The following ACACA variants were observed in gnomAD, a reference collection of about 807,000 sequenced individuals.
ACACA encodes the protein acetyl-CoA carboxylase 1.
A neutral mutation model predicts 296.1 loss-of-function variants in ACACA; 103 were observed. The observed-to-expected ratio is 0.35, with a 90% CI of 0.30 to 0.41. ACACA has a LOEUF of 0.41. Ranked by LOEUF, ACACA falls within the 10% of genes least tolerant of loss-of-function variation. ACACA has a pLI of 1.00. For synonymous variants in ACACA, 953 were observed against 1,038.6 expected, an observed-to-expected ratio of 0.92 and a Z score of 1.58; for missense variants, 1,554 against 2,989.7, an observed-to-expected ratio of 0.52 and a Z score of 11.20.
intron 45 of ACACA, among the ~76,000 whole-genome samples, chr17:37,135,839 CTAG>C (rs956288170): frequency 1.6e-4 from 24 of 151,958 alleles, no homozygotes; most frequent in African/African-American, 5.6e-4. Context: ...ATCACTCACC[CTAG>C]GGGGACCCAC....
At chr17:37,175,608 G>A (rs917372539) in intron 41 of ACACA, among the ~76,000 whole-genome samples, 1 of 152,128 alleles carries the variant, frequency 6.6e-6, no homozygotes, top group South Asian at 2.1e-4. Context: ...AATGAGATCC[G>A]TTTAGTCTAT....
chr17:37,126,856 T>A (rs1444182267), intron 47 of ACACA, among the ~76,000 whole-genome samples: 1 of 152,234 alleles, frequency 6.6e-6, no homozygotes, highest in Non-Finnish European at 1.5e-5. Context: ...TAGATTCTGG[T>A]CTTGTGTTGG....
intron 29 of ACACA, among the ~76,000 whole-genome samples, chr17:37,219,341 C>T (rs755300924): frequency 4.6e-5 from 7 of 152,160 alleles, no homozygotes; most frequent in African/African-American, 7.2e-5. Flanking sequence ...CTAAGCGTCT[C>T]GTGCTTTTGG....
At position 37,221,786 on chromosome 17, in the gene ACACA, C is replaced by T. The variant is rs1223824601; in HGVS notation, c.3621G>A (p.Gln1207=). ...CCACCACACAGGTGTTGTCCTTAAG[C>T]TGGCGGTGTTGTACGCTGTTAAGTT... ...AYELNSVQHR[Q]LKDNTCVVEF... The change falls in exon 29 of 56, where the codon CAG becomes CAA. Residue 1207 remains glutamine, a synonymous_variant. Transcript: ENST00000616317. The T allele has an allele frequency of 2.5e-6, 4 of 1,614,188 alleles. No individual in the cohort carries two copies. The highest frequency in any genetic ancestry group is 3.4e-6 in the Non-Finnish European group (4 of 1,180,024).
At chr17:37,131,992 T>C (rs2075120685) in intron 45 of ACACA, among the ~76,000 whole-genome samples, 1 of 152,190 alleles carries the variant, frequency 6.6e-6, no homozygotes, top group Non-Finnish European at 1.5e-5. Flanking sequence ...GCCCAGGCAC[T>C]GCGGCTCTTT....
intron 3 of ACACA, among the ~76,000 whole-genome samples, chr17:37,309,088 T>C (rs1356933680): frequency 6.6e-6 from 1 of 152,194 alleles, no homozygotes; most frequent in African/African-American, 2.4e-5. Flanking sequence ...AGCATGATCA[T>C]AGTTCACTGC....
intron 13 of ACACA, 95 bp downstream of exon 13, chr17:37,258,117 G>A: frequency 6.9e-7 from 1 of 1,443,180 alleles, no homozygotes; most frequent in Non-Finnish European, 9.6e-7. Context: ...CACTCCAGAG[G>A]AAGTCCCAAG....
chr17:37,166,706 G>T (rs1417467120), intron 41 of ACACA, among the ~76,000 whole-genome samples: 1 of 152,170 alleles, frequency 6.6e-6, no homozygotes, highest in Non-Finnish European at 1.5e-5. Context: ...TATGCTAGCC[G>T]TATAACCTTG....
At chr17:37,248,221 T>C in intron 17 of ACACA, 65 bp from the exon 18 acceptor site, 2 of 1,587,078 alleles carry the variant, frequency 1.3e-6, no homozygotes, top group Non-Finnish European at 1.7e-6. Context: ...GAAATTTGAA[T>C]GCTTCAAAAA....
At chr17:37,325,700 G>C (rs1036246968) in intron 3 of ACACA, among the ~76,000 whole-genome samples, 2 of 141,456 alleles carry the variant, frequency 1.4e-5, no homozygotes, top group African/African-American at 5.3e-5. Flanking sequence ...TCAGCCTCTC[G>C]ACTGGCTGGA....
In ACACA at chr17:37,394,901, T is replaced by C. The variant is rs983699903; in HGVS notation, c.38+11361A>G. Among the ~76,000 whole-genome samples the C allele has an allele frequency of 3.3e-5, 5 of 150,610 alleles. No individual in the cohort carries two copies. In the South Asian group the frequency reaches 6.3e-4, roughly 19 times the overall value. On this transcript the variant is annotated intron_variant, in intron 1 of 55. Coordinates refer to ENST00000616317, the MANE Select transcript of ACACA (RefSeq NM_198834.3). ...GAGACTCTGTCTCAAAAAATATGTATATATAAAATATATAATAAAATAAAT... is the reference window on the plus strand; with the variant it reads ...GAGACTCTGTCTCAAAAAATATGTACATATAAAATATATAATAAAATAAAT...
chr17:37,250,833 G>A (rs2080954249), intron 16 of ACACA, among the ~76,000 whole-genome samples: 1 of 151,958 alleles, frequency 6.6e-6, no homozygotes, highest in Non-Finnish European at 1.5e-5. Flanking sequence ...AGACCATCCT[G>A]GCTAACACGG....
intron 42 of ACACA, 80 bp downstream of exon 42, chr17:37,161,701 C>T: frequency 6.5e-7 from 1 of 1,546,780 alleles, no homozygotes; most frequent in Non-Finnish European, 8.8e-7. Context: ...TGAACTTAAA[C>T]CTCTACCCTT....
rs978096316 is a variant in ACACA, at chr17:37,213,403, G to A, written c.3684-2913C>T. On this transcript the variant is annotated intron_variant, in intron 29 of 55. Coordinates refer to ENST00000616317, the MANE Select transcript of ACACA (RefSeq NM_198834.3). ...GCTCAATCTTTGATAAGGCAATCAA[G>A]TATATTTTCAAATACATAAATGGGA... Among the ~76,000 whole-genome samples, 5 of 147,422 alleles carry A rather than the reference G, an allele frequency of 3.4e-5. No homozygotes were observed. In the East Asian group the frequency reaches 9.9e-4, roughly 29 times the overall value.
intron 52 of ACACA, among the ~76,000 whole-genome samples, chr17:37,103,877 T>C (rs897342995): frequency 1.3e-5 from 2 of 151,510 alleles, no homozygotes; most frequent in African/African-American, 4.9e-5. Flanking sequence ...TCTTTCCTCC[T>C]GCATGCCCCC....
intron 2 of ACACA, among the ~76,000 whole-genome samples, chr17:37,339,176 T>A (rs957856689): frequency 6.6e-6 from 1 of 152,172 alleles, no homozygotes; most frequent in Non-Finnish European, 1.5e-5. Context: ...TAACAGAAGA[T>A]AATGGGTGCC....
intron 1 of ACACA, among the ~76,000 whole-genome samples, chr17:37,400,680 C>T (rs1408713677): frequency 6.6e-6 from 1 of 152,048 alleles, no homozygotes; most frequent in Non-Finnish European, 1.5e-5. Context: ...ATCTATGTTG[C>T]TGCAAATGAC....
At chr17:37,247,885 C>CT in intron 18 of ACACA, 126 bp downstream of exon 18, 1 of 1,000,966 alleles carries the variant, frequency 1.0e-6, no homozygotes, top group Non-Finnish European at 1.5e-6. Context: ...AGTGCATGTA[C>CT]TATTTTTTTT....
At chr17:37,389,794 G>A (rs2050712491) in intron 1 of ACACA, among the ~76,000 whole-genome samples, 1 of 151,812 alleles carries the variant, frequency 6.6e-6, no homozygotes, top group African/African-American at 2.4e-5. Flanking sequence ...TTAATGTGCT[G>A]GGAACAGGGA....
Sources: allele counts gnomAD v4.1 joint callset (sites outside exome capture counted in the v4.1 genomes callset), GRCh38; gene constraint gnomAD v4.1.1; transcripts MANE v1.5; gene names NCBI Gene and HGNC (gene_info 2026-07-23, HGNC 2026-07-21).